Variants in LPCAT2 observed in about 807,000 individuals in gnomAD.
LPCAT2 encodes the protein lysophosphatidylcholine acyltransferase 2, also known as 1-AGP acyltransferase 11.
A neutral mutation model predicts 64.7 loss-of-function variants in LPCAT2; 58 were observed. That is an observed-to-expected ratio of 0.90 (90% CI 0.73 to 1.12). The LOEUF is 1.12. LPCAT2 is among the 50% of genes most tolerant of loss of function. The probability of loss-of-function intolerance (pLI) is 0.00; values close to 1 mark genes in which losing one functional copy is unlikely to be tolerated. For synonymous variants in LPCAT2, 252 were observed against 245.3 expected, an observed-to-expected ratio of 1.03 and a Z score of -0.26; for missense variants, 579 against 669.8, an observed-to-expected ratio of 0.86 and a Z score of 1.50.
At chr16:55,571,958 T>G (rs1307470961) in intron 11 of LPCAT2, among the ~76,000 whole-genome samples, 1 of 152,176 alleles carries the variant, frequency 6.6e-6, no homozygotes, top group African/African-American at 2.4e-5. Context: ...GTTCTAAATT[T>G]TGTTATTCTG....
intron 11 of LPCAT2, among the ~76,000 whole-genome samples, chr16:55,568,210 A>G (rs567473396): frequency 6.6e-6 from 1 of 152,346 alleles, no homozygotes; most frequent in African/African-American, 2.4e-5. Flanking sequence ...GACATTGAGG[A>G]ATAAAACAAT....
intron 1 of LPCAT2, among the ~76,000 whole-genome samples, chr16:55,519,749 A>G (rs1241207692): frequency 6.6e-6 from 1 of 152,216 alleles, no homozygotes; most frequent in African/African-American, 2.4e-5. Context: ...GGGGTAAAAC[A>G]TAACAATACT....
chr16:55,545,989 AT>A (rs1297812808), intron 9 of LPCAT2, among the ~76,000 whole-genome samples, 172 bp downstream of exon 9: 1 of 152,098 alleles, frequency 6.6e-6, no homozygotes, highest in African/African-American at 2.4e-5. Context: ...ATCTATAAGT[AT>A]TTTCCCCAGC....
chr16:55,584,944 G>A lies in LPCAT2; in HGVS notation c.*1846G>A, dbSNP rs1409014417. The A allele has an allele frequency of 1.3e-5, 2 of 152,110 alleles. No individual in the cohort carries two copies. Among genetic ancestry groups the A allele is most frequent in the Non-Finnish European group, 2.9e-5 (2 of 67,990 alleles). 9.4% of individuals were successfully genotyped at this position (152,110 alleles called of 1,614,324 possible). On this transcript the variant is annotated 3_prime_UTR_variant, in exon 14 of 14. Coordinates refer to ENST00000262134, the MANE Select transcript of LPCAT2 (RefSeq NM_017839.5). ...TGTCTGTCATATGCAATGAATGTAT[G>A]TAATACTAAAAAATCATGACTACTT... is the stretch of plus-strand genomic sequence containing the variant.
chr16:55,551,383 G>C (rs1473358433), intron 11 of LPCAT2: 1 of 156,920 alleles, frequency 6.4e-6, no homozygotes, highest in Non-Finnish European at 1.4e-5. Context: ...TATAATGTAT[G>C]TATCTATTAT....
At chr16:55,550,232 A>G (rs910304128) in intron 10 of LPCAT2, among the ~76,000 whole-genome samples, 2 of 152,254 alleles carry the variant, frequency 1.3e-5, no homozygotes, top group South Asian at 2.1e-4. Flanking sequence ...GGCTAAGAAT[A>G]TATGTTAGGT....
chr16:55,510,053 G>A (rs1258151561), intron 1 of LPCAT2, among the ~76,000 whole-genome samples: 6 of 138,370 alleles, frequency 4.3e-5, no homozygotes, highest in Non-Finnish European at 9.2e-5. Flanking sequence ...TAAGAGTGAG[G>A]CAGAAGGCAG....
At chr16:55,513,744 G>A (rs1460446243) in intron 1 of LPCAT2, among the ~76,000 whole-genome samples, 2 of 152,164 alleles carry the variant, frequency 1.3e-5, no homozygotes, top group Non-Finnish European at 2.9e-5. Context: ...ACTAGAGGGG[G>A]AAAAATAGTG....
At chr16:55,565,851 T>A (rs1446920671) in intron 11 of LPCAT2, among the ~76,000 whole-genome samples, 3 of 152,164 alleles carry the variant, frequency 2.0e-5, no homozygotes, top group Non-Finnish European at 4.4e-5. Flanking sequence ...ATAGTATATT[T>A]TATGGCATGT....
rs1380999010 is a variant in LPCAT2, at chr16:55,586,515, A to C, written c.*3417A>C. ...CTATTATCAATTTTATACATATTTT[A>C]CTCCATCTTTTTTCAAAGTTTCTTA... On this transcript the variant is annotated 3_prime_UTR_variant, in exon 14 of 14. Transcript: ENST00000262134. 6.6e-6 allele frequency: 1 copy of C among 152,106 alleles called. No individual in the cohort carries two copies. Among genetic ancestry groups the C allele is most frequent in the African/African-American group, 2.4e-5 (1 of 41,446 alleles). 9.4% of individuals were successfully genotyped at this position (152,106 alleles called of 1,614,324 possible).
Position 55,528,606 on chromosome 16 carries a change from T to A in LPCAT2, c.529+12T>A, listed in dbSNP as rs537702012. 133 of 1,564,420 alleles carry A rather than the reference T, an allele frequency of 8.5e-5. No homozygotes were observed. The highest frequency in any genetic ancestry group is 1.1e-4 in the Non-Finnish European group (125 of 1,135,878). On this transcript the variant is annotated intron_variant, in intron 3 of 13. Coordinates refer to ENST00000262134, the MANE Select transcript of LPCAT2 (RefSeq NM_017839.5). ...CCCTCTGATTGGCAGTAAGTACTTG[T>A]AAGGTAACGTAGATAAAATATTTTC...
rs1273261422 is a variant in LPCAT2, at chr16:55,585,557, T to C, written c.*2459T>C. On this transcript the variant is annotated 3_prime_UTR_variant, in exon 14 of 14. Transcript: ENST00000262134. ...TGCACCATGGCTTCATATAGTAATA[T>C]AAAAAAACTCTTTGAAGTGAGAAAT... The C allele has an allele frequency of 6.6e-6, 1 of 152,138 alleles. No homozygotes were observed. The highest frequency in any genetic ancestry group is 1.5e-5 in the Non-Finnish European group (1 of 68,016). 9.4% of individuals were successfully genotyped at this position (152,138 alleles called of 1,614,324 possible).
intron 1 of LPCAT2, among the ~76,000 whole-genome samples, chr16:55,519,245 A>T (rs1963057354): frequency 6.6e-6 from 1 of 152,072 alleles, no homozygotes. Flanking sequence ...TCACACCTGT[A>T]GTCCCGGCAC....
Position 55,583,187 on chromosome 16 carries a change from G to T in LPCAT2, c.*89G>T. 3.1e-6 allele frequency: 3 copies of T among 980,908 alleles called. No individual in the cohort carries two copies. The highest frequency in any genetic ancestry group is 2.9e-5 in the Admixed American group (1 of 34,546). The allele number at this position is 980,908 out of a possible 1,614,324, so 60.8% of individuals were successfully genotyped here. A position where few individuals can be genotyped will look rare whatever the true frequency, so the allele number is the denominator to read the frequency against. ...ATAATACTTTTAATGTGTTGGTAAT[G>T]ATGTTTAAAATTGAAAGATTTTTAA... On this transcript the variant is annotated 3_prime_UTR_variant, in exon 14 of 14. Coordinates refer to ENST00000262134, the MANE Select transcript of LPCAT2 (RefSeq NM_017839.5).
At chr16:55,542,073 C>A in intron 8 of LPCAT2, 2 of 801,420 alleles carry the variant, frequency 2.5e-6, no homozygotes, top group South Asian at 2.1e-5. Context: ...AAGGAATGTG[C>A]TTGATGTAGT....
At chr16:55,546,957 G>T (rs1441531140) in intron 9 of LPCAT2, among the ~76,000 whole-genome samples, 1 of 152,060 alleles carries the variant, frequency 6.6e-6, no homozygotes, top group Non-Finnish European at 1.5e-5. Context: ...GACCAGCCTG[G>T]CCAACATGGT....
intron 11 of LPCAT2, among the ~76,000 whole-genome samples, chr16:55,572,109 C>T (rs1304375971): frequency 6.6e-6 from 1 of 152,134 alleles, no homozygotes; most frequent in Non-Finnish European, 1.5e-5. Flanking sequence ...GATTCTTTGT[C>T]ATTCAAAACC....
chr16:55,573,655 GTAT>G (rs1330522940), intron 11 of LPCAT2, among the ~76,000 whole-genome samples: 6 of 151,880 alleles, frequency 4.0e-5, no homozygotes, highest in African/African-American at 1.5e-4. Context: ...CTAACACCTG[GTAT>G]TATAATCAAG....
rs1218667791 is a variant in LPCAT2 at position 55,583,233 on chromosome 16, T to G, written c.*135T>G. The G allele has an allele frequency of 9.6e-6, 7 of 729,792 alleles. No individual in the cohort carries two copies. In the East Asian group the frequency reaches 1.9e-4, roughly 20 times the overall value. 45.2% of individuals were successfully genotyped at this position (729,792 alleles called of 1,614,324 possible). On this transcript the variant is annotated 3_prime_UTR_variant, in exon 14 of 14. Transcript: ENST00000262134. ...TTTAAAACAAAAATGATAGATTTTC[T>G]TACTAAAAATGTTTTTATTAACCTT...
Sources: allele counts gnomAD v4.1 joint callset (sites outside exome capture counted in the v4.1 genomes callset), GRCh38; gene constraint gnomAD v4.1.1; transcripts MANE v1.5; gene names NCBI Gene and HGNC (gene_info 2026-07-23, HGNC 2026-07-21).